The following RADIL variants were observed in gnomAD, a reference collection of about 807,000 sequenced individuals.
The protein encoded by RADIL is ras-associating and dilute domain-containing protein.
Under a neutral mutation model 97.6 loss-of-function variants are expected in RADIL, and 99 were observed. The observed-to-expected ratio is 1.01, with a 90% CI of 0.86 to 1.20. The LOEUF is 1.20. Ranked by LOEUF, RADIL falls within the 50% of genes most tolerant of loss-of-function variation. RADIL has a pLI of 0.00. For synonymous variants in RADIL, 803 were observed against 691.8 expected (o/e 1.16, Z -2.52); for missense variants, 1,765 against 1,498.9 (o/e 1.18, Z -2.93).
Position 4,820,351 on chromosome 7 carries a change from G to T in RADIL, c.1615+2043C>A, listed in dbSNP as rs146931552. On this transcript the variant is annotated intron_variant, in intron 6 of 14. Coordinates refer to ENST00000399583, the MANE Select transcript of RADIL (RefSeq NM_018059.5). ...GGAGGCCTGTAGCTGGGCAGCTGGAGGTGGGAACCTTGCGTGGAGACTTAG... is the reference window on the plus strand; with the variant it reads ...GGAGGCCTGTAGCTGGGCAGCTGGATGTGGGAACCTTGCGTGGAGACTTAG... Among the ~76,000 whole-genome samples, 153 of 152,330 alleles carry T rather than the reference G, an allele frequency of 1.0e-3. 3 individuals carry two copies. In the East Asian group the frequency reaches 0.025, roughly 25 times the overall value.
intron 10 of RADIL, chr7:4,805,348 C>T (rs993008014): frequency 6.3e-5 from 31 of 489,066 alleles, no homozygotes; most frequent in African/African-American, 3.9e-4. Flanking sequence ...CATGGACTCT[C>T]GGCTCCTTGA....
chr7:4,837,804 G>A lies in RADIL; in HGVS notation c.536-1199C>T. On this transcript the variant is annotated intron_variant, in intron 2 of 14. Coordinates refer to ENST00000399583, the MANE Select transcript of RADIL (RefSeq NM_018059.5). The surrounding 1 kb of genome is among the most constrained non-coding windows in gnomAD (Gnocchi z 5.6). ...ATGCATGCTCTGGGAAAGCCAGCCG[G>A]CTGCGATAGATGAAAACCGCTCACC... 1.0e-6 allele frequency: 1 copy of A among 981,686 alleles called. No homozygotes were observed. The highest frequency in any genetic ancestry group is 1.2e-6 in the Non-Finnish European group (1 of 826,620). 60.8% of individuals were successfully genotyped at this position (981,686 alleles called of 1,614,324 possible).
At position 4,800,325 on chromosome 7, in the gene RADIL, G is replaced by C. The variant is rs562476651; in HGVS notation, c.2843-15C>G. ...TGCAGAGTCTCCTGGGTGGGGGCCAGGAAAGGTGGGTGGGAGTGAGGCGCC... is the reference window on the plus strand; with the variant it reads ...TGCAGAGTCTCCTGGGTGGGGGCCACGAAAGGTGGGTGGGAGTGAGGCGCC... On this transcript the variant is annotated splice_polypyrimidine_tract_variant and intron_variant, in intron 12 of 14. Transcript: ENST00000399583. 182 of 1,433,744 alleles carry C rather than the reference G, an allele frequency of 1.3e-4. No homozygotes were observed. Among genetic ancestry groups the C allele is most frequent in the Non-Finnish European group, 2.0e-5 (22 of 1,093,278 alleles). The allele number at this position is 1,433,744 out of a possible 1,614,324, so 88.8% of individuals were successfully genotyped here.
At position 4,817,370 on chromosome 7, in the gene RADIL, G is replaced by A. The variant is rs369004198; in HGVS notation, c.1616-19C>T. The A allele has an allele frequency of 3.2e-5, 52 of 1,604,216 alleles. No homozygotes were observed. The Middle Eastern group carries it at 5.0e-4, about 15-fold the overall frequency. ...TTCGAGCCTGCCGGGAGACAGCCACGCCAATGGTCACAACGGGCACAGCGC... is the reference window on the plus strand; with the variant it reads ...TTCGAGCCTGCCGGGAGACAGCCACACCAATGGTCACAACGGGCACAGCGC... On this transcript the variant is annotated intron_variant, in intron 6 of 14. Coordinates refer to ENST00000399583, the MANE Select transcript of RADIL (RefSeq NM_018059.5). The surrounding 1 kb of genome is among the most constrained non-coding windows in gnomAD (Gnocchi z 8.3).
At chr7:4,802,080 G>A in intron 11 of RADIL, 85 bp from the exon 12 acceptor site, 2 of 1,198,816 alleles carry the variant, frequency 1.7e-6, no homozygotes, top group Middle Eastern at 2.7e-4. Context: ...TGCAGCAGAA[G>A]GGCCGCCAGG....
At chr7:4,877,010 C>T (rs865837051) in intron 2 of RADIL, among the ~76,000 whole-genome samples, 3 of 152,198 alleles carry the variant, frequency 2.0e-5, no homozygotes, top group Non-Finnish European at 4.4e-5. Context: ...TGCGTGGTTG[C>T]TATGGTCAAT....
intron 2 of RADIL, among the ~76,000 whole-genome samples, chr7:4,874,716 G>C (rs149089757): frequency 3.3e-5 from 5 of 152,218 alleles, no homozygotes; most frequent in Non-Finnish European, 5.9e-5. Flanking sequence ...GTGAGCAGGG[G>C]TGCTTTCGCT....
At chr7:4,870,432 T>TTTTTGTTTTG (rs530175860) in intron 2 of RADIL, among the ~76,000 whole-genome samples, 1 of 151,986 alleles carries the variant, frequency 6.6e-6, no homozygotes, top group Non-Finnish European at 1.5e-5. Flanking sequence ...TTAACGTGGT[T>TTTTTGTTTTG]TTTTGTTTTG....
intron 10 of RADIL, among the ~76,000 whole-genome samples, chr7:4,804,361 G>C (rs1250905884): frequency 6.6e-6 from 1 of 152,250 alleles, no homozygotes; most frequent in Non-Finnish European, 1.5e-5. Flanking sequence ...TGTTCTCCAC[G>C]GTGACCCGGG....
At position 4,877,498 on chromosome 7, in the gene RADIL, G is replaced by A. The variant is rs1235772577; in HGVS notation, c.535+107C>T. The A allele has an allele frequency of 6.8e-5, 87 of 1,276,620 alleles. No individual in the cohort carries two copies. In the Admixed American group the frequency reaches 2.1e-3, roughly 30 times the overall value. The allele number at this position is 1,276,620 out of a possible 1,614,324, so 79.1% of individuals were successfully genotyped here. ...GGGCTCCGACTGCCTCCTGCAGAGC[G>A]AGCCCGCCCCACGCATGTCCCCTGC... On this transcript the variant is annotated intron_variant, in intron 2 of 14. Transcript: ENST00000399583.
rs562550304 is a variant in RADIL, at chr7:4,808,286, G to C, written c.2140-2570C>G. Reference sequence around the variant, plus strand: ...GGGCTTTTCTCCCAGGCTCTGCACAGCTTTTTATTTCTGCTTCCACAGTTT... The same window carrying C: ...GGGCTTTTCTCCCAGGCTCTGCACACCTTTTTATTTCTGCTTCCACAGTTT... On this transcript the variant is annotated intron_variant, in intron 9 of 14. Transcript: ENST00000399583. Among the ~76,000 whole-genome samples, 402 of 151,300 alleles carry C rather than the reference G, an allele frequency of 2.7e-3. 1 individual carries two copies. Among genetic ancestry groups the C allele is most frequent in the African/African-American group, 9.5e-3 (391 of 41,194 alleles).
chr7:4,850,211 C>T (rs1357437998), intron 2 of RADIL, among the ~76,000 whole-genome samples: 1 of 67,192 alleles, frequency 1.5e-5, no homozygotes, highest in African/African-American at 6.4e-5. Flanking sequence ...CACAGACGAT[C>T]CCTTTAAAAA....
intron 1 of RADIL, chr7:4,881,977 C>G (rs1784497427): frequency 6.6e-6 from 1 of 151,552 alleles, no homozygotes. Context: ...CCACAGTTTC[C>G]GGAGCCGGAT....
rs1356864996 is a variant in RADIL, at chr7:4,799,692, C to T, written c.3060G>A (p.Leu1020=). 2 of 1,583,402 alleles carry T rather than the reference C, an allele frequency of 1.3e-6. No individual in the cohort carries two copies. The highest frequency in any genetic ancestry group is 2.3e-5 in the East Asian group (1 of 43,510). ...CCTCCAGGATACGGTCCCCCAGCGA[C>T]AGGCGCCCGTCGGCCGCTGCGGGGC... The part of the protein sequence containing the change: ...PGSPAAADGR[L]SLGDRILEVN... The change falls in exon 14 of 15, where the codon CTG becomes CTA. Residue 1020 remains leucine, a synonymous_variant. Coordinates refer to ENST00000399583, the MANE Select transcript of RADIL (RefSeq NM_018059.5).
Position 4,853,062 on chromosome 7 carries a change from A to G in RADIL, c.536-16457T>C, listed in dbSNP as rs565926631. Reference sequence around the variant, plus strand: ...GAGATTTTAGACTTGAAGTGATACTATAAGAGGATGAGACTGGGGGACCTT... The same window carrying G: ...GAGATTTTAGACTTGAAGTGATACTGTAAGAGGATGAGACTGGGGGACCTT... On this transcript the variant is annotated intron_variant, in intron 2 of 14. Coordinates refer to ENST00000399583, the MANE Select transcript of RADIL (RefSeq NM_018059.5). 6.6e-5 allele frequency among the ~76,000 whole-genome samples: 10 copies of G among 152,298 alleles called. No homozygotes were observed. The South Asian group carries it at 8.3e-4, about 13-fold the overall frequency.
Position 4,854,947 on chromosome 7 carries a change from T to G in RADIL, c.536-18342A>C, listed in dbSNP as rs1049766530. Among the ~76,000 whole-genome samples the G allele has an allele frequency of 6.6e-6, 1 of 152,184 alleles. No individual in the cohort carries two copies. The highest frequency in any genetic ancestry group is 1.5e-5 in the Non-Finnish European group (1 of 68,024). On this transcript the variant is annotated intron_variant, in intron 2 of 14. Transcript: ENST00000399583. The surrounding 1 kb of genome is among the most constrained non-coding windows in gnomAD (Gnocchi z 5.1). Reference sequence around the variant, plus strand: ...CTGGATTCCGTGTTTAACATGGCCTTTTTTCATTTATAGTTACACCACACA... The same window carrying G: ...CTGGATTCCGTGTTTAACATGGCCTGTTTTCATTTATAGTTACACCACACA...
chr7:4,804,094 C>T (rs1332199751), intron 10 of RADIL: 4 of 355,712 alleles, frequency 1.1e-5, no homozygotes, highest in African/African-American at 8.3e-5. Flanking sequence ...AACTGGAGCT[C>T]CCCCAGCCCG....
chr7:4,823,599 T>C (rs1782894426), intron 5 of RADIL, among the ~76,000 whole-genome samples: 1 of 152,170 alleles, frequency 6.6e-6, no homozygotes, highest in South Asian at 2.1e-4. Context: ...CCTGCTGCCT[T>C]CCGGCTCAGT....
rs1342209527 is a variant in RADIL, at chr7:4,837,648, CAT to C, written c.536-1045_536-1044del. On this transcript the variant is annotated intron_variant, in intron 2 of 14. Transcript: ENST00000399583. The surrounding 1 kb of genome is among the most constrained non-coding windows in gnomAD (Gnocchi z 5.6). Reference sequence around the variant, plus strand: ...GCACCCAAAAACACACATGCACACACATACACACACGCCAACACACATGCACC... The same window carrying C: ...GCACCCAAAAACACACATGCACACACACACACACGCCAACACACATGCACC... Among the ~76,000 whole-genome samples, 2 of 152,042 alleles carry C rather than the reference CAT, an allele frequency of 1.3e-5. No individual in the cohort carries two copies. Among genetic ancestry groups the C allele is most frequent in the Non-Finnish European group, 2.9e-5 (2 of 67,994 alleles).
Sources: gnomAD v4.1 joint callset for allele counts (sites outside exome capture counted in the v4.1 genomes callset) on GRCh38, gnomAD v4.1.1 for gene constraint, Gnocchi (gnomAD v3.1) non-coding constraint, MANE v1.5 for transcripts, NCBI Gene and HGNC (gene_info 2026-07-23, HGNC 2026-07-21) for gene names.